The following UBR2 variants were observed in gnomAD, a reference collection of about 807,000 sequenced individuals.
UBR2 encodes E3 ubiquitin-protein ligase UBR2.
In UBR2, 92 loss-of-function variants were observed where a neutral mutation model predicts 247.9. That is an observed-to-expected ratio of 0.37 (90% CI 0.31 to 0.44). The LOEUF (loss-of-function observed/expected upper bound fraction) is 0.44, where lower values mean the gene tolerates loss of function less well. Ranked by LOEUF, UBR2 falls within the 20% of genes least tolerant of loss-of-function variation. The pLI, the probability that UBR2 is intolerant of heterozygous loss-of-function variation, is 1.00. For synonymous variants in UBR2, 672 were observed against 693.5 expected (o/e 0.97, Z 0.49); for missense variants, 1,613 against 2,112.6 (o/e 0.76, Z 4.64).
intron 13 of UBR2, among the ~76,000 whole-genome samples, chr6:42,634,734 C>T (rs1223942778): frequency 6.6e-6 from 1 of 152,204 alleles, no homozygotes; most frequent in Non-Finnish European, 1.5e-5. Flanking sequence ...GGATTACAGG[C>T]GTGGGCCACC....
chr6:42,658,381 A>G, intron 28 of UBR2, 61 bp downstream of exon 28: 1 of 1,468,232 alleles, frequency 6.8e-7, no homozygotes. Context: ...TATGAACAAA[A>G]TAAATTTATC....
chr6:42,647,591 G>A (rs1796850500), intron 21 of UBR2, among the ~76,000 whole-genome samples: 2 of 151,864 alleles, frequency 1.3e-5, no homozygotes, highest in African/African-American at 4.8e-5. Context: ...GTGAGACTCT[G>A]TCTCAAAAAA....
At position 42,658,840 on chromosome 6, in the gene UBR2, A is replaced by AG; in HGVS notation, c.3242+16_3242+17insG. The stretch of plus-strand genomic sequence containing the variant: ...TTGATCATAGGTAAAAAAAAAAAAA[A>AG]AAAAAATTAATGTCTTGACGAGTTT... On this transcript the variant is annotated intron_variant, in intron 29 of 46. Coordinates refer to ENST00000372901, the MANE Select transcript of UBR2 (RefSeq NM_001363705.2). 6.5e-7 allele frequency: 1 copy of AG among 1,536,796 alleles called. No individual in the cohort carries two copies. Among genetic ancestry groups the AG allele is most frequent in the Non-Finnish European group, 8.7e-7 (1 of 1,147,946 alleles).
Position 42,641,629 on chromosome 6 carries a change from T to C in UBR2, c.1968T>C (p.Leu656=). The change falls in exon 17 of 47, where the codon CTT becomes CTC. Residue 656 remains leucine, a synonymous_variant. Coordinates refer to ENST00000372901, the MANE Select transcript of UBR2 (RefSeq NM_001363705.2). ...TGATAGAACACCCTCTTAGATGTCT[T>C]GTTCTGTGTGCCCAAGTACATGCCG... The part of the protein sequence containing the change: ...PMLIEHPLRC[L]VLCAQVHAGM... The C allele has an allele frequency of 1.2e-6, 2 of 1,607,738 alleles. No individual in the cohort carries two copies. The highest frequency in any genetic ancestry group is 1.7e-6 in the Non-Finnish European group (2 of 1,177,894).
chr6:42,633,430 G>A (rs1234350434), intron 13 of UBR2, among the ~76,000 whole-genome samples: 1 of 151,716 alleles, frequency 6.6e-6, no homozygotes, highest in Non-Finnish European at 1.5e-5. Context: ...TCACTCTGTC[G>A]CCCAGGCTGG....
intron 4 of UBR2, among the ~76,000 whole-genome samples, chr6:42,602,758 G>A (rs1793468727): frequency 8.2e-6 from 1 of 122,336 alleles, no homozygotes; most frequent in South Asian, 2.6e-4. Flanking sequence ...TATGCTGTGT[G>A]TGCGTGTGTG....
intron 28 of UBR2, 161 bp from the exon 29 acceptor site, chr6:42,658,485 T>C (rs1797571538): frequency 9.0e-7 from 1 of 1,109,704 alleles, no homozygotes. Context: ...GTCTGCTTTT[T>C]TTCTTTAAAA....
At chr6:42,618,882 GC>G (rs1230884327) in intron 11 of UBR2, among the ~76,000 whole-genome samples, 1 of 152,220 alleles carries the variant, frequency 6.6e-6, no homozygotes, top group Non-Finnish European at 1.5e-5. Context: ...GTTTGAAGAA[GC>G]ATAAGGATGA....
chr6:42,601,130 C>T (rs769770146), intron 4 of UBR2, among the ~76,000 whole-genome samples: 1 of 152,076 alleles, frequency 6.6e-6, no homozygotes, highest in Non-Finnish European at 1.5e-5. Context: ...ACTCTTCAAT[C>T]CTTAAATGTT....
At chr6:42,687,653 G>T (rs190800678) in intron 44 of UBR2, among the ~76,000 whole-genome samples, 1 of 152,174 alleles carries the variant, frequency 6.6e-6, no homozygotes, top group African/African-American at 2.4e-5. Context: ...TGATTCTCCA[G>T]TCTCAGCCTC....
chr6:42,661,530 AAAG>A (rs977426861), intron 30 of UBR2, among the ~76,000 whole-genome samples: 1 of 152,254 alleles, frequency 6.6e-6, no homozygotes, highest in African/African-American at 2.4e-5. Context: ...TAATTTATAT[AAAG>A]AATTCAAAAA....
rs1281669946 is a variant in UBR2, at chr6:42,573,822, CT to C, written c.171del (p.Pro58HisfsTer48). 1 of 1,613,802 alleles carries C rather than the reference CT, an allele frequency of 6.2e-7. No individual in the cohort carries two copies. Among genetic ancestry groups the C allele is most frequent in the Non-Finnish European group, 8.5e-7 (1 of 1,179,868 alleles). Reference sequence around the variant, plus strand: ...AAAATCTACTGCAGGGGTCCCAACCCTTTTCCACAGAAAGAAGACATGCTGG... The same window carrying C: ...AAAATCTACTGCAGGGGTCCCAACCCTTTCCACAGAAAGAAGACATGCTGG... Reference protein sequence around the residue: ...VPKIYCRGPNPFPQKEDMLAQ... With the variant: ...VPKIYCRGPNXFPQKEDMLAQ... On this transcript the variant is annotated frameshift_variant, in exon 2 of 47. Transcript: ENST00000372901. LOFTEE classifies it high-confidence loss of function.
chr6:42,610,848 C>CTT (rs1284620883), intron 7 of UBR2, among the ~76,000 whole-genome samples: 4 of 141,652 alleles, frequency 2.8e-5, no homozygotes, highest in Admixed American at 7.1e-5. Flanking sequence ...TGTATTTTAC[C>CTT]TTTTTTTTTT....
At chr6:42,676,273 A>T in intron 39 of UBR2, 82 bp downstream of exon 39, 1 of 1,420,654 alleles carries the variant, frequency 7.0e-7, no homozygotes, top group South Asian at 1.6e-5. Flanking sequence ...AGGAAAAGGT[A>T]TTTGGATGAG....
At chr6:42,573,600 G>T in intron 1 of UBR2, 134 bp from the exon 2 acceptor site, 1 of 973,226 alleles carries the variant, frequency 1.0e-6, no homozygotes, top group Non-Finnish European at 1.4e-6. Flanking sequence ...CTAACGTACG[G>T]TGGTGAGTGT....
intron 2 of UBR2, among the ~76,000 whole-genome samples, chr6:42,586,752 C>T (rs1792304829): frequency 1.3e-5 from 2 of 151,002 alleles, no homozygotes; most frequent in South Asian, 4.2e-4. Context: ...AATAAACGAA[C>T]CTTGCATTTA....
chr6:42,649,558 A>G (rs1322311353), intron 22 of UBR2, among the ~76,000 whole-genome samples: 3 of 152,224 alleles, frequency 2.0e-5, no homozygotes, highest in Admixed American at 2.0e-4. Context: ...TCTGACTAGA[A>G]GTGTATAAAG....
At chr6:42,640,496 T>C (rs2151957506) in intron 16 of UBR2, among the ~76,000 whole-genome samples, 1 of 148,938 alleles carries the variant, frequency 6.7e-6, no homozygotes, top group South Asian at 2.1e-4. Context: ...GCTCATGAAA[T>C]TGTGGGGGCT....
At chr6:42,680,789 C>G (rs1389228359) in intron 42 of UBR2, among the ~76,000 whole-genome samples, 1 of 152,128 alleles carries the variant, frequency 6.6e-6, no homozygotes. Context: ...CCAGAATAGG[C>G]CGGGCACAGT....
Sources: allele counts gnomAD v4.1 joint callset (sites outside exome capture counted in the v4.1 genomes callset), GRCh38; gene constraint gnomAD v4.1.1; transcripts MANE v1.5; gene names NCBI Gene and HGNC (gene_info 2026-07-23, HGNC 2026-07-21).